The following FAM13A variants were observed in gnomAD, a reference collection of about 807,000 sequenced individuals.
FAM13A encodes protein FAM13A.
A neutral mutation model predicts 129.6 loss-of-function variants in FAM13A; 76 were observed. The observed-to-expected ratio is 0.59, with a 90% CI of 0.49 to 0.71. The LOEUF (loss-of-function observed/expected upper bound fraction) is 0.71. FAM13A is among the 30% of genes least tolerant of loss of function. FAM13A has a pLI of 0.00. For synonymous variants in FAM13A, 443 were observed against 449.9 expected, an observed-to-expected ratio of 0.98 and a Z score of 0.20; for missense variants, 1,108 against 1,249.3, an observed-to-expected ratio of 0.89 and a Z score of 1.70.
At chr4:88,957,901 TA>T (rs1414169236) in intron 4 of FAM13A, among the ~76,000 whole-genome samples, 1 of 152,160 alleles carries the variant, frequency 6.6e-6, no homozygotes, top group Admixed American at 6.5e-5. Context: ...AGATTTAGGG[TA>T]TCTGGTGGAA....
chr4:88,987,499 T>C (rs1326756005), intron 4 of FAM13A, among the ~76,000 whole-genome samples: 1 of 152,142 alleles, frequency 6.6e-6, no homozygotes, highest in East Asian at 1.9e-4. Flanking sequence ...TAACATTACA[T>C]GGCTTCTAAT....
chr4:88,877,955 C>T (rs1742842975), intron 6 of FAM13A, among the ~76,000 whole-genome samples: 1 of 152,122 alleles, frequency 6.6e-6, no homozygotes, highest in Non-Finnish European at 1.5e-5. Flanking sequence ...TTTTCTGACA[C>T]ACTCCCTCCT....
chr4:88,787,787 T>C lies in FAM13A; in HGVS notation c.1237A>G (p.Lys413Glu), dbSNP rs763423358. ...TSARQRRRQSKEQDEVRHGRD... is the reference protein window; with the variant it reads ...TSARQRRRQSEEQDEVRHGRD... ...CCATGTCGAACTTCATCCTGCTCCT[T>C]GGACTGGCGGCGGCGCTGTCTGGCA... The change falls in exon 10 of 24, where the codon AAG (lysine) becomes GAG (glutamate). Residue 413 changes from lysine (K) to glutamate (E), a missense_variant. Physicochemically the swap from Lys to Glu is moderately conservative, Grantham distance 56. This residue lies in a region of FAM13A where 566 missense variants were observed against 595.7 expected (regional missense o/e 0.95). Coordinates refer to ENST00000264344, the MANE Select transcript of FAM13A (RefSeq NM_014883.4). 3.7e-6 allele frequency: 6 copies of C among 1,613,670 alleles called. No individual in the cohort carries two copies. Among genetic ancestry groups the C allele is most frequent in the African/African-American group, 2.7e-5 (2 of 75,024 alleles).
At chr4:88,869,713 C>T (rs1741032092) in intron 6 of FAM13A, among the ~76,000 whole-genome samples, 1 of 152,218 alleles carries the variant, frequency 6.6e-6, no homozygotes, top group Non-Finnish European at 1.5e-5. Flanking sequence ...CAACTATCAA[C>T]TATCAACTTC....
chr4:88,865,878 C>CTTTTTTT (rs34865210), intron 6 of FAM13A, among the ~76,000 whole-genome samples: 9 of 83,218 alleles, frequency 1.1e-4, no homozygotes, highest in Admixed American at 1.4e-4. Context: ...TTGTCTCTCT[C>CTTTTTTT]TTTTTTTTTT....
At chr4:88,838,747 A>C (rs1334565139) in intron 7 of FAM13A, among the ~76,000 whole-genome samples, 1 of 152,184 alleles carries the variant, frequency 6.6e-6, no homozygotes, top group East Asian at 1.9e-4. Context: ...AAGAAAAAGA[A>C]AAAGAAAATA....
chr4:88,906,380 T>G lies in FAM13A; in HGVS notation c.842A>C (p.Lys281Thr). Residue 281 changes from lysine to threonine, a missense_variant and splice_region_variant, in exon 6 of 24, where the codon AAG becomes ACG. Coordinates refer to ENST00000264344, the MANE Select transcript of FAM13A (RefSeq NM_014883.4). ...RDMPKPPPKT[K>T]IPKSRSEGSI... ...GCCTACAGAGAAAACATAGTTTACC[T>G]TGGTTTTTGGAGGTGGTTTTGGCAT... is the stretch of plus-strand genomic sequence containing the variant. 1 of 1,602,002 alleles carries G rather than the reference T, an allele frequency of 6.2e-7. No individual in the cohort carries two copies. The highest frequency in any genetic ancestry group is 8.5e-7 in the Non-Finnish European group (1 of 1,170,114).
chr4:88,833,885 TA>T lies in FAM13A; in HGVS notation c.1007+17134del, dbSNP rs901242445. 3.5e-4 allele frequency among the ~76,000 whole-genome samples: 52 copies of T among 149,280 alleles called. 1 individual carries two copies. The highest frequency in any genetic ancestry group is 3.5e-3 in the Middle Eastern group (1 of 288). On this transcript the variant is annotated intron_variant, in intron 7 of 23. Coordinates refer to ENST00000264344, the MANE Select transcript of FAM13A (RefSeq NM_014883.4). The stretch of plus-strand genomic sequence containing the variant: ...TGGGTGATAGAGTGAGACTCCGTCT[TA>T]AAAAAAAAATCCAATTTATTTAATT...
At chr4:88,957,848 C>T (rs1448702556) in intron 4 of FAM13A, among the ~76,000 whole-genome samples, 1 of 152,184 alleles carries the variant, frequency 6.6e-6, no homozygotes, top group African/African-American at 2.4e-5. Flanking sequence ...CTGCACTCTG[C>T]TCATGCTTTA....
At chr4:88,735,460 C>T (rs1738789177) in intron 21 of FAM13A, among the ~76,000 whole-genome samples, 1 of 152,168 alleles carries the variant, frequency 6.6e-6, no homozygotes, top group Non-Finnish European at 1.5e-5. Flanking sequence ...GACAATGTCT[C>T]TATTCTGCCA....
At chr4:89,048,267 A>G (rs1234848467) in intron 1 of FAM13A, among the ~76,000 whole-genome samples, 1 of 152,216 alleles carries the variant, frequency 6.6e-6, no homozygotes, top group African/African-American at 2.4e-5. Context: ...ATAAAATGTG[A>G]TATATCATAA....
chr4:88,758,488 G>T, intron 14 of FAM13A, among the ~76,000 whole-genome samples: 1 of 151,398 alleles, frequency 6.6e-6, no homozygotes, highest in Non-Finnish European at 1.5e-5. Context: ...CTCCCGGTGA[G>T]TCACAAAGGA....
rs527556848 is a variant in FAM13A at position 88,986,203 on chromosome 4, A to T, written c.605+4770T>A. Among the ~76,000 whole-genome samples, 3 of 151,372 alleles carry T rather than the reference A, an allele frequency of 2.0e-5. No homozygotes were observed. The East Asian group carries it at 5.8e-4, about 29-fold the overall frequency. The stretch of plus-strand genomic sequence containing the variant: ...GGCTGGAGTGCAGTGGCACAATATC[A>T]GCTTACTGCAACCTCCACCTCCCGG... On this transcript the variant is annotated intron_variant, in intron 4 of 23. Transcript: ENST00000264344.
chr4:88,747,595 T>C (rs774846522), intron 18 of FAM13A, 36 bp downstream of exon 18: 6 of 1,552,556 alleles, frequency 3.9e-6, no homozygotes, highest in Non-Finnish European at 5.3e-6. Flanking sequence ...TTGACTGCAA[T>C]GGCTTAGGGC....
chr4:88,899,639 A>G (rs28529050), intron 6 of FAM13A, among the ~76,000 whole-genome samples: 44,523 of 151,822 alleles, frequency 0.29, 6,910 homozygotes, highest in African/African-American at 0.4. Flanking sequence ...TTTTCTGGGT[A>G]GACAAACAAA....
At chr4:88,734,160 T>C (rs1052415449) in intron 21 of FAM13A, among the ~76,000 whole-genome samples, 5 of 152,124 alleles carry the variant, frequency 3.3e-5, no homozygotes, top group African/African-American at 9.7e-5. Flanking sequence ...AAATGAGTCA[T>C]GAAAATGAAC....
intron 6 of FAM13A, among the ~76,000 whole-genome samples, chr4:88,881,789 C>T (rs576971667): frequency 6.6e-6 from 1 of 152,120 alleles, no homozygotes; most frequent in African/African-American, 2.4e-5. Flanking sequence ...AAAAAACAAT[C>T]ACAACTTCTG....
chr4:88,773,007 T>C (rs948232827), intron 11 of FAM13A, among the ~76,000 whole-genome samples: 98 of 152,168 alleles, frequency 6.4e-4, no homozygotes, highest in African/African-American at 2.3e-3. Flanking sequence ...AACACAAAGA[T>C]GGACCTTTGG....
At chr4:88,861,910 C>T (rs986115015) in intron 6 of FAM13A, among the ~76,000 whole-genome samples, 1 of 152,174 alleles carries the variant, frequency 6.6e-6, no homozygotes, top group Middle Eastern at 3.2e-3. Flanking sequence ...AAGGAGCCTG[C>T]CCAAAGTCAC....
Sources: allele counts gnomAD v4.1 joint callset (sites outside exome capture counted in the v4.1 genomes callset), GRCh38; gene constraint gnomAD v4.1.1; regional missense constraint gnomAD v4.1.1; transcripts MANE v1.5; gene names NCBI Gene and HGNC (gene_info 2026-07-23, HGNC 2026-07-21).